C4orf36: variants seen among roughly 807,000 people sequenced by gnomAD.
The protein encoded by C4orf36 is chromosome 4 open reading frame 36.
C4orf36 carries 11 observed loss-of-function variants against 12.2 expected under a neutral mutation model. That is an observed-to-expected ratio of 0.90 (90% CI 0.57 to 1.49). C4orf36 has a LOEUF of 1.49. Among genes scored for constraint, C4orf36 ranks in the 40% most tolerant of loss-of-function variants. The pLI is 0.00. For synonymous variants in C4orf36, 54 were observed against 51.3 expected (o/e 1.05, Z -0.22); for missense variants, 137 against 133.9 (o/e 1.02, Z -0.11).
the C4orf36 span, among the ~76,000 whole-genome samples, chr4:86,928,048 C>T: frequency 6.6e-6 from 1 of 152,234 alleles, no homozygotes. Flanking sequence ...AACCCAGCCC[C>T]ACAACATCCC....
At chr4:86,924,233 T>C in the C4orf36 span, among the ~76,000 whole-genome samples, 2 of 152,166 alleles carry the variant, frequency 1.3e-5, no homozygotes, top group Non-Finnish European at 2.9e-5. Flanking sequence ...AGAGTCTCAC[T>C]CTGTCACACA....
intron 4 of C4orf36, among the ~76,000 whole-genome samples, chr4:86,885,498 T>C (rs577626113): frequency 2.0e-5 from 3 of 152,320 alleles, no homozygotes; most frequent in African/African-American, 2.4e-5. Context: ...GGCTCTCTGT[T>C]TGTCTGTTAT....
intron 4 of C4orf36, among the ~76,000 whole-genome samples, chr4:86,885,391 T>C (rs1198490545): frequency 1.3e-5 from 2 of 152,344 alleles, no homozygotes; most frequent in South Asian, 2.1e-4. Flanking sequence ...TGGTTTGTAG[T>C]TCTCCTTGAA....
chr4:86,927,787 G>A, the C4orf36 span, among the ~76,000 whole-genome samples: 1 of 119,384 alleles, frequency 8.4e-6, no homozygotes, highest in Non-Finnish European at 1.8e-5. Context: ...CAACAAGAGC[G>A]AGGCTCCATT....
upstream of C4orf36, among the ~76,000 whole-genome samples, chr4:86,893,078 C>A (rs1029811251): frequency 9.2e-5 from 14 of 152,184 alleles, no homozygotes; most frequent in African/African-American, 3.1e-4. Context: ...GAGGGTTGTT[C>A]TGAGGATGAA....
the C4orf36 span, among the ~76,000 whole-genome samples, chr4:86,920,660 A>G: frequency 6.6e-6 from 1 of 152,228 alleles, no homozygotes; most frequent in Non-Finnish European, 1.5e-5. Context: ...AGGGCTAGAG[A>G]GCATGCTCAA....
At chr4:86,906,553 C>T in the C4orf36 span, among the ~76,000 whole-genome samples, 1 of 150,954 alleles carries the variant, frequency 6.6e-6, no homozygotes, top group Admixed American at 6.6e-5. Context: ...CATGGCAAAA[C>T]CTAATCTCTA....
At chr4:86,890,025 T>C (rs1336977068) in intron 2 of C4orf36, 2 of 453,334 alleles carry the variant, frequency 4.4e-6, no homozygotes, top group Non-Finnish European at 8.8e-6. Flanking sequence ...ACCCCATCTC[T>C]ACCAAAAATA....
At chr4:86,876,514 T>G (rs1746932483) in intron 4 of C4orf36, 71 bp from the exon 5 acceptor site, 2 of 1,613,716 alleles carry the variant, frequency 1.2e-6, no homozygotes, top group South Asian at 2.2e-5. Context: ...ATGAAAAGAT[T>G]AGAAATGTCG....
rs901208647 is a variant in C4orf36, at chr4:86,892,295, G to C, written c.-186C>G. 4 of 985,760 alleles carry C rather than the reference G, an allele frequency of 4.1e-6. No individual in the cohort carries two copies. Among genetic ancestry groups the C allele is most frequent in the Non-Finnish European group, 4.8e-6 (4 of 830,196 alleles). The allele number at this position is 985,760 out of a possible 1,614,324, so 61.1% of individuals were successfully genotyped here. ...CGGCCTGGTTACCCGGGCTCCAGGG[G>C]CTCGGAGGGTCGCGGCCGGGGTACT... On this transcript the variant is annotated 5_prime_UTR_variant, in exon 1 of 5. Coordinates refer to ENST00000295898, the MANE Select transcript of C4orf36 (RefSeq NM_144645.4).
chr4:86,928,783 G>A, the C4orf36 span, among the ~76,000 whole-genome samples: 1,102 of 152,238 alleles, frequency 7.2e-3, 10 homozygotes, highest in Middle Eastern at 0.01. Flanking sequence ...TGAACTCTAT[G>A]ACTTTGGGAC....
At chr4:86,887,525 C>G in intron 4 of C4orf36, 3 of 411,740 alleles carry the variant, frequency 7.3e-6, no homozygotes, top group Non-Finnish European at 1.3e-5. Flanking sequence ...CGACTCAACT[C>G]CAAATGCATT....
At chr4:86,920,177 A>G in the C4orf36 span, among the ~76,000 whole-genome samples, 1 of 152,186 alleles carries the variant, frequency 6.6e-6, no homozygotes, top group Non-Finnish European at 1.5e-5. Context: ...CCGGTTTCCA[A>G]GAAGGTATTC....
At chr4:86,914,041 G>A in the C4orf36 span, 4 of 1,610,292 alleles carry the variant, frequency 2.5e-6, no homozygotes, top group Admixed American at 6.7e-5. Context: ...TCGTTGGGAT[G>A]GCAATCCAAG....
the C4orf36 span, chr4:86,933,429 T>G: frequency 1.3e-5 from 2 of 152,146 alleles, no homozygotes; most frequent in East Asian, 3.9e-4. Context: ...TTCAACAAAA[T>G]TTTTGCAAAA....
the C4orf36 span, among the ~76,000 whole-genome samples, chr4:86,917,349 A>T: frequency 1.1e-4 from 11 of 100,016 alleles, no homozygotes; most frequent in African/African-American, 1.5e-4. Flanking sequence ...GAAGGATGGA[A>T]GGAAGGAAGG....
At chr4:86,903,358 A>T in the C4orf36 span, among the ~76,000 whole-genome samples, 2 of 152,212 alleles carry the variant, frequency 1.3e-5, no homozygotes, top group Non-Finnish European at 2.9e-5. Flanking sequence ...AAAAAATATA[A>T]AAATTAGCTG....
At chr4:86,884,314 T>C (rs1747119972) in intron 4 of C4orf36, among the ~76,000 whole-genome samples, 1 of 150,006 alleles carries the variant, frequency 6.7e-6, no homozygotes, top group South Asian at 2.1e-4. Context: ...TTTTTTTTTT[T>C]TTTTTTTTGA....
the C4orf36 span, chr4:86,914,043 C>T: frequency 6.2e-7 from 1 of 1,610,400 alleles, no homozygotes; most frequent in South Asian, 1.1e-5. Flanking sequence ...GTTGGGATGG[C>T]AATCCAAGCT....
Sources: gnomAD v4.1 joint callset for allele counts (sites outside exome capture counted in the v4.1 genomes callset) on GRCh38, gnomAD v4.1.1 for gene constraint, MANE v1.5 for transcripts, NCBI Gene and HGNC (gene_info 2026-07-23, HGNC 2026-07-21) for gene names.